The following FBLIM1 variants were observed in gnomAD, a reference collection of about 807,000 sequenced individuals.
FBLIM1 encodes the protein filamin-binding LIM protein 1.
Under a neutral mutation model 37.4 loss-of-function variants are expected in FBLIM1, and 29 were observed. That is an observed-to-expected ratio of 0.77 (90% CI 0.58 to 1.06). The LOEUF is 1.06. FBLIM1 is among the 50% of genes least tolerant of loss of function. The pLI, the probability that FBLIM1 is intolerant of heterozygous loss-of-function variation, is 0.00. For synonymous variants in FBLIM1, 193 were observed against 199.0 expected, an observed-to-expected ratio of 0.97 and a Z score of 0.25; for missense variants, 449 against 505.6, an observed-to-expected ratio of 0.89 and a Z score of 1.07.
chr1:15,783,041 G>A (rs1262484651), intron 8 of FBLIM1, among the ~76,000 whole-genome samples: 13 of 151,984 alleles, frequency 8.6e-5, no homozygotes, highest in South Asian at 4.1e-4. Flanking sequence ...TGATCCGCCC[G>A]CCTCAGCCTC....
At chr1:15,767,163 G>C (rs1360997756) in intron 3 of FBLIM1, among the ~76,000 whole-genome samples, 1 of 151,942 alleles carries the variant, frequency 6.6e-6, no homozygotes, top group Non-Finnish European at 1.5e-5. Context: ...AAAGTGCTGA[G>C]ATTATAGGCA....
intron 1 of FBLIM1, among the ~76,000 whole-genome samples, chr1:15,759,244 G>T (rs2068549342): frequency 6.6e-6 from 1 of 152,212 alleles, no homozygotes; most frequent in Admixed American, 6.5e-5. Flanking sequence ...CTGCTCGGCT[G>T]CCTGCGGAGG....
At chr1:15,762,491 T>G (rs984299376) in intron 1 of FBLIM1, among the ~76,000 whole-genome samples, 1 of 151,960 alleles carries the variant, frequency 6.6e-6, no homozygotes, top group African/African-American at 2.4e-5. Flanking sequence ...TTGAACTCCT[T>G]ACCTCGTGAT....
chr1:15,777,106 C>T (rs1416358434), intron 7 of FBLIM1, 64 bp from the exon 8 acceptor site: 1 of 1,346,070 alleles, frequency 7.4e-7, no homozygotes, highest in Non-Finnish European at 1.0e-6. Flanking sequence ...CGAGTTCTGA[C>T]AGCTAATTAA....
At chr1:15,777,763 G>A (rs561917940) in intron 8 of FBLIM1, among the ~76,000 whole-genome samples, 6 of 152,102 alleles carry the variant, frequency 3.9e-5, no homozygotes, top group African/African-American at 1.4e-4. Flanking sequence ...AGTAGAGACA[G>A]GGTTTCACCA....
At position 15,770,488 on chromosome 1, in the gene FBLIM1, G is replaced by A; in HGVS notation, c.621G>A (p.Gln207=). Residue 207 remains glutamine (Q), a synonymous_variant, in exon 6 of 9, where the codon CAG becomes CAA. Coordinates refer to ENST00000375766, the MANE Select transcript of FBLIM1 (RefSeq NM_017556.4). The part of the protein sequence containing the change: ...VEAMKRQYHA[Q]CFTCRTCRRQ... ...CCATGAAGAGGCAGTACCATGCCCA[G>A]TGCTTCACGTGCCGCACCTGCCGCC... 1 of 1,613,774 alleles carries A rather than the reference G, an allele frequency of 6.2e-7. No homozygotes were observed. The highest frequency in any genetic ancestry group is 8.5e-7 in the Non-Finnish European group (1 of 1,179,992).
chr1:15,783,974 A>C (rs919132257), intron 8 of FBLIM1, among the ~76,000 whole-genome samples: 2 of 152,150 alleles, frequency 1.3e-5, no homozygotes, highest in African/African-American at 4.8e-5. Flanking sequence ...GGATCACTTG[A>C]GGTCAGGAGA....
At chr1:15,768,956 G>A (rs2069065687) in intron 5 of FBLIM1, among the ~76,000 whole-genome samples, 1 of 152,144 alleles carries the variant, frequency 6.6e-6, no homozygotes, top group Non-Finnish European at 1.5e-5. Context: ...ACAGTGAGAA[G>A]CCTGCAACCT....
At chr1:15,781,080 G>C (rs2069622399) in intron 8 of FBLIM1, among the ~76,000 whole-genome samples, 1 of 152,022 alleles carries the variant, frequency 6.6e-6, no homozygotes, top group South Asian at 2.1e-4. Context: ...AGAAGATGAG[G>C]CTTCTTGGCC....
At position 15,784,798 on chromosome 1, in the gene FBLIM1, G is replaced by A. The variant is rs898523646; in HGVS notation, c.*137G>A. ...ACCAGCCTGCAAGCCGGCCCAGCCT[G>A]TCCAGGATACAGTGGGGCTGAGCAC... On this transcript the variant is annotated 3_prime_UTR_variant, in exon 9 of 9. Transcript: ENST00000375766. 7.2e-6 allele frequency: 5 copies of A among 695,200 alleles called. No homozygotes were observed. Among genetic ancestry groups the A allele is most frequent in the African/African-American group, 1.8e-5 (1 of 56,876 alleles). The allele number at this position is 695,200 out of a possible 1,614,324, so 43.1% of individuals were successfully genotyped here.
At chr1:15,778,857 G>A (rs893010356) in intron 8 of FBLIM1, among the ~76,000 whole-genome samples, 1 of 151,962 alleles carries the variant, frequency 6.6e-6, no homozygotes, top group Non-Finnish European at 1.5e-5. Flanking sequence ...GGTCAGGCTG[G>A]TCTCAAACTC....
At chr1:15,764,904 G>A (rs922333675) in intron 2 of FBLIM1, 60 bp from the exon 3 acceptor site, 21 of 1,522,028 alleles carry the variant, frequency 1.4e-5, no homozygotes, top group African/African-American at 1.2e-4. Context: ...CTCTCCTCTC[G>A]GGGGAGGGTG....
At chr1:15,773,340 A>G (rs1490369694) in intron 6 of FBLIM1, among the ~76,000 whole-genome samples, 13 of 151,512 alleles carry the variant, frequency 8.6e-5, no homozygotes, top group Middle Eastern at 3.4e-3. Context: ...TCAAGATCAC[A>G]CCACTGCACT....
intron 6 of FBLIM1, 136 bp downstream of exon 6, chr1:15,770,714 A>C: frequency 4.6e-6 from 5 of 1,084,540 alleles, no homozygotes; most frequent in South Asian, 1.6e-5. Flanking sequence ...ACTGAGGCTC[A>C]GAAAGAAGGA....
intron 7 of FBLIM1, among the ~76,000 whole-genome samples, chr1:15,776,632 A>G (rs2069496939): frequency 6.6e-6 from 1 of 152,286 alleles, no homozygotes; most frequent in African/African-American, 2.4e-5. Context: ...TGGGAGGCCA[A>G]GGTGGGCGGA....
intron 3 of FBLIM1, among the ~76,000 whole-genome samples, chr1:15,766,146 G>A (rs1033461095): frequency 9.9e-5 from 15 of 151,918 alleles, no homozygotes; most frequent in African/African-American, 3.6e-4. Flanking sequence ...CACCCAAGCT[G>A]CAGTGCAGTG....
At chr1:15,759,995 G>C (rs1416028247) in intron 1 of FBLIM1, among the ~76,000 whole-genome samples, 2 of 152,108 alleles carry the variant, frequency 1.3e-5, no homozygotes, top group Non-Finnish European at 2.9e-5. Context: ...AGGCCGAGGC[G>C]GGCGGATTAC....
rs1049665101 is a variant in FBLIM1 at position 15,785,739 on chromosome 1, C to T, written c.*1078C>T. The T allele has an allele frequency of 6.6e-6, 1 of 152,254 alleles. No individual in the cohort carries two copies. The highest frequency in any genetic ancestry group is 2.4e-5 in the African/African-American group (1 of 41,454). 9.4% of individuals were successfully genotyped at this position (152,254 alleles called of 1,614,324 possible). On this transcript the variant is annotated 3_prime_UTR_variant, in exon 9 of 9. Transcript: ENST00000375766. ...ATAGCAAACACCCCCTTGGTTCGCA[C>T]ATGTACAGGAATGGGACCCAGTTGG... is the stretch of plus-strand genomic sequence containing the variant.
rs192585724 is a variant in FBLIM1, at chr1:15,778,098, C to T, written c.1008+811C>T. Among the ~76,000 whole-genome samples, 83 of 152,300 alleles carry T rather than the reference C, an allele frequency of 5.4e-4. 2 individuals carry two copies. The highest frequency in any genetic ancestry group is 7.3e-5 in the Non-Finnish European group (5 of 68,036). On this transcript the variant is annotated intron_variant, in intron 8 of 8. Coordinates refer to ENST00000375766, the MANE Select transcript of FBLIM1 (RefSeq NM_017556.4). Reference sequence around the variant, plus strand: ...ATCACCCCAGCTAGGGTCACATGCTCATTCAGGGCCAGTCACTGTGGCTGG... The same window carrying T: ...ATCACCCCAGCTAGGGTCACATGCTTATTCAGGGCCAGTCACTGTGGCTGG...
Sources: allele counts gnomAD v4.1 joint callset (sites outside exome capture counted in the v4.1 genomes callset), GRCh38; gene constraint gnomAD v4.1.1; transcripts MANE v1.5; gene names NCBI Gene and HGNC (gene_info 2026-07-23, HGNC 2026-07-21).